ARHGAP26: variants seen among roughly 807,000 people sequenced by gnomAD.
ARHGAP26 encodes Rho GTPase activating protein 26, also known as rho GTPase-activating protein 26.
A neutral mutation model predicts 104.8 loss-of-function variants in ARHGAP26; 38 were observed. That is an observed-to-expected ratio of 0.36 (90% CI 0.28 to 0.48). The LOEUF is 0.48. ARHGAP26 is among the 20% of genes least tolerant of loss of function. The pLI is 0.99. For synonymous variants in ARHGAP26, 341 were observed against 340.0 expected, an observed-to-expected ratio of 1.00 and a Z score of -0.03; for missense variants, 704 against 947.9, an observed-to-expected ratio of 0.74 and a Z score of 3.38.
chr5:143,079,489 GTGC>G (rs1789506628), intron 17 of ARHGAP26, among the ~76,000 whole-genome samples: 1 of 152,148 alleles, frequency 6.6e-6, no homozygotes, highest in African/African-American at 2.4e-5. Context: ...AGAGTTAACG[GTGC>G]TGTGCAGCTG....
intron 12 of ARHGAP26, among the ~76,000 whole-genome samples, chr5:143,024,819 G>GAA (rs1780818019): frequency 6.6e-6 from 1 of 152,214 alleles, no homozygotes; most frequent in South Asian, 2.1e-4. Context: ...CGGCATGTAA[G>GAA]ATTGAGCAGA....
At chr5:143,037,780 A>T (rs529964342) in intron 13 of ARHGAP26, among the ~76,000 whole-genome samples, 19 of 152,366 alleles carry the variant, frequency 1.2e-4, no homozygotes, top group African/African-American at 4.3e-4. Flanking sequence ...GTTAGTGAAG[A>T]TAAAGATGTA....
At chr5:143,217,724 T>C (rs1384478448) in intron 22 of ARHGAP26, among the ~76,000 whole-genome samples, 1 of 152,194 alleles carries the variant, frequency 6.6e-6, no homozygotes, top group African/African-American at 2.4e-5. Flanking sequence ...CCAGCCATCT[T>C]CGCTGCCACG....
At chr5:142,962,457 T>TTCTA (rs1256342316) in intron 11 of ARHGAP26, among the ~76,000 whole-genome samples, 1 of 152,190 alleles carries the variant, frequency 6.6e-6, no homozygotes, top group East Asian at 1.9e-4. Flanking sequence ...TATGCCCCAT[T>TTCTA]TCTAGATCAT....
At chr5:143,164,242 A>G (rs181193602) in intron 20 of ARHGAP26, among the ~76,000 whole-genome samples, 4 of 152,332 alleles carry the variant, frequency 2.6e-5, no homozygotes, top group Non-Finnish European at 4.4e-5. Flanking sequence ...TAAACCCTGA[A>G]TCAATGTAAC....
chr5:142,771,126 G>A (rs1487162632), intron 1 of ARHGAP26: 4 of 1,321,208 alleles, frequency 3.0e-6, no homozygotes, highest in Non-Finnish European at 3.9e-6. Flanking sequence ...CGCCTTTTGC[G>A]TTCAGGGATG....
intron 1 of ARHGAP26, among the ~76,000 whole-genome samples, chr5:142,840,626 G>A (rs2152184783): frequency 6.6e-6 from 1 of 152,274 alleles, no homozygotes; most frequent in Admixed American, 6.5e-5. Flanking sequence ...ATGGCAAGTG[G>A]TAGTTGTCAT....
At chr5:142,781,221 A>G (rs1009875712) in intron 1 of ARHGAP26, among the ~76,000 whole-genome samples, 16 of 152,326 alleles carry the variant, frequency 1.1e-4, no homozygotes, top group Non-Finnish European at 1.8e-4. Context: ...ATGATCAGTC[A>G]TGTGAAGGGT....
chr5:143,184,249 A>C lies in ARHGAP26; in HGVS notation c.1989-22949A>C, dbSNP rs565321684. Among the ~76,000 whole-genome samples, 11 of 152,338 alleles carry C rather than the reference A, an allele frequency of 7.2e-5. No individual in the cohort carries two copies. The South Asian group carries it at 8.3e-4, about 11-fold the overall frequency. ...TCCCTTCCTGCCCATTAGGGGGTAG[A>C]GAATGCCTCTTTTGGACTAGCTGAA... On this transcript the variant is annotated intron_variant, in intron 20 of 22. Coordinates refer to ENST00000645722, the MANE Select transcript of ARHGAP26 (RefSeq NM_001135608.3).
chr5:143,168,415 A>G (rs1802310599), intron 20 of ARHGAP26: 1 of 131,262 alleles, frequency 7.6e-6, no homozygotes. Flanking sequence ...GCTTTGCTTC[A>G]TAGTCAAATA....
At chr5:142,837,294 C>G (rs1769780184) in intron 1 of ARHGAP26, among the ~76,000 whole-genome samples, 1 of 151,856 alleles carries the variant, frequency 6.6e-6, no homozygotes, top group African/African-American at 2.4e-5. Context: ...TTGGAAAGTT[C>G]TGTTCTTCCC....
At chr5:142,890,051 T>A (rs1450132857) in intron 5 of ARHGAP26, among the ~76,000 whole-genome samples, 5 of 147,934 alleles carry the variant, frequency 3.4e-5, no homozygotes, top group African/African-American at 1.2e-4. Context: ...CAGGAGAATA[T>A]CTTGAACCTG....
chr5:143,166,914 C>T (rs1802034076), intron 20 of ARHGAP26, among the ~76,000 whole-genome samples: 1 of 152,200 alleles, frequency 6.6e-6, no homozygotes, highest in South Asian at 2.1e-4. Flanking sequence ...AAGGTGGTTA[C>T]ATTCACAGAA....
intron 13 of ARHGAP26, among the ~76,000 whole-genome samples, chr5:143,040,662 G>A (rs1306227188): frequency 6.6e-6 from 1 of 152,226 alleles, no homozygotes; most frequent in African/African-American, 2.4e-5. Context: ...TGTTGATTGT[G>A]GATTGCATTA....
intron 11 of ARHGAP26, among the ~76,000 whole-genome samples, chr5:142,947,689 T>C (rs946320396): frequency 1.3e-5 from 2 of 152,190 alleles, no homozygotes; most frequent in Admixed American, 1.3e-4. Context: ...TAGTCTATAC[T>C]CAAGTTGATT....
chr5:143,177,987 CTTTTTTTTTTTTTTTTT>C (rs397705462), intron 20 of ARHGAP26, among the ~76,000 whole-genome samples: 31 of 58,342 alleles, frequency 5.3e-4, no homozygotes, highest in Admixed American at 2.3e-3. Flanking sequence ...TGTGGCAGTC[CTTTTTTTTTTTTTTTTT>C]TTTTTTTTTT....
chr5:143,165,615 G>C (rs943298502), intron 20 of ARHGAP26, among the ~76,000 whole-genome samples: 3 of 152,104 alleles, frequency 2.0e-5, no homozygotes, highest in African/African-American at 7.2e-5. Context: ...TTTGTTACGT[G>C]GGTATATTGT....
chr5:143,197,676 T>C (rs568822396), intron 20 of ARHGAP26, among the ~76,000 whole-genome samples: 1 of 152,350 alleles, frequency 6.6e-6, no homozygotes, highest in Non-Finnish European at 1.5e-5. Flanking sequence ...ATATGCCCTC[T>C]CTATGCCCTA....
intron 1 of ARHGAP26, among the ~76,000 whole-genome samples, chr5:142,824,469 C>T (rs1185886479): frequency 1.3e-5 from 2 of 152,200 alleles, no homozygotes; most frequent in Non-Finnish European, 2.9e-5. Flanking sequence ...GGCTGCAGCC[C>T]TAGCATCAGC....
Sources: allele counts gnomAD v4.1 joint callset (sites outside exome capture counted in the v4.1 genomes callset), GRCh38; gene constraint gnomAD v4.1.1; transcripts MANE v1.5; gene names NCBI Gene and HGNC (gene_info 2026-07-23, HGNC 2026-07-21).